MTG2: variants seen among roughly 807,000 people sequenced by gnomAD.
The protein encoded by MTG2 is mitochondrial ribosome associated GTPase 2.
MTG2 carries 23 observed loss-of-function variants against 28.6 expected under a neutral mutation model. That is an observed-to-expected ratio of 0.80 (90% CI 0.58 to 1.14). The LOEUF (loss-of-function observed/expected upper bound fraction) is 1.14, where lower values mean the gene tolerates loss of function less well. MTG2 is among the 50% of genes most tolerant of loss of function. MTG2 has a pLI of 0.00. For synonymous variants in MTG2, 260 were observed against 251.8 expected, an observed-to-expected ratio of 1.03 and a Z score of -0.31; for missense variants, 539 against 552.0, an observed-to-expected ratio of 0.98 and a Z score of 0.24.
chr20:62,195,800 A>G lies in MTG2; in HGVS notation c.205-2A>G. ...GACGTGGGATATTTGTGTTCTCTGT[A>G]GAAAAGGTACTTTGTGGACTATCGG... On this transcript the variant is annotated splice_acceptor_variant, in intron 2 of 6. Coordinates refer to ENST00000370823, the MANE Select transcript of MTG2 (RefSeq NM_015666.4). LOFTEE classifies it high-confidence loss of function. 2 of 1,614,190 alleles carry G rather than the reference A, an allele frequency of 1.2e-6. No homozygotes were observed. The highest frequency in any genetic ancestry group is 1.7e-6 in the Non-Finnish European group (2 of 1,180,026).
chr20:62,193,690 G>C, intron 2 of MTG2, 66 bp downstream of exon 2: 1 of 1,449,244 alleles, frequency 6.9e-7, no homozygotes, highest in Non-Finnish European at 9.4e-7. Context: ...TGTGGTTTCG[G>C]GTCCTCCTCT....
At position 62,201,388 on chromosome 20, in the gene MTG2, A is replaced by G. The variant is rs2151511; in HGVS notation, c.*311A>G. The G allele has an allele frequency of 0.58, 219,056 of 376,398 alleles. 66,444 individuals are homozygous for G. The highest frequency in any genetic ancestry group is 0.9 in the East Asian group (17,698 of 19,636). The allele number at this position is 376,398 out of a possible 1,614,324, so 23.3% of individuals were successfully genotyped here. On this transcript the variant is annotated 3_prime_UTR_variant, in exon 7 of 7. Coordinates refer to ENST00000370823, the MANE Select transcript of MTG2 (RefSeq NM_015666.4). ...AACGGGGTGGCCCTGCCGCTGACTC[A>G]GGTCTCCGCCATGCACGCGTGGACT...
rs372446307 is a variant in MTG2, at chr20:62,195,850, G to A, written c.253G>A (p.Gly85Arg). 2.6e-5 allele frequency: 42 copies of A among 1,614,080 alleles called. No individual in the cohort carries two copies. The highest frequency in any genetic ancestry group is 3.2e-5 in the Non-Finnish European group (38 of 1,180,046). ...YRRVLVCGGN[G>R]GAGASCFHSE... Reference sequence around the variant, plus strand: ...GAGAGTGCTTGTCTGTGGAGGAAACGGAGGCGCTGGGGCAAGCTGCTTCCA... The same window carrying A: ...GAGAGTGCTTGTCTGTGGAGGAAACAGAGGCGCTGGGGCAAGCTGCTTCCA... Residue 85 changes from glycine to arginine, a missense_variant, in exon 3 of 7, where the codon GGA (glycine) becomes AGA (arginine). Gly to Arg is a moderately radical substitution (Grantham distance 125, BLOSUM62 -2). Transcript: ENST00000370823.
chr20:62,202,528 G>A lies in MTG2; in HGVS notation c.*1451G>A, dbSNP rs918742893. On this transcript the variant is annotated 3_prime_UTR_variant, in exon 7 of 7. Transcript: ENST00000370823. Reference sequence around the variant, plus strand: ...AGCACTTTGGGAGGCCGAGGCTGGTGGATCACAAGGTCAGGAGATTGAGAC... The same window carrying A: ...AGCACTTTGGGAGGCCGAGGCTGGTAGATCACAAGGTCAGGAGATTGAGAC... 3 of 152,466 alleles carry A rather than the reference G, an allele frequency of 2.0e-5. No homozygotes were observed. Among genetic ancestry groups the A allele is most frequent in the African/African-American group, 7.2e-5 (3 of 41,406 alleles). The allele number at this position is 152,466 out of a possible 1,614,324, so 9.4% of individuals were successfully genotyped here. A position where few individuals can be genotyped will look rare whatever the true frequency, so the allele number is the denominator to read the frequency against.
rs1283559087 is a variant in MTG2, at chr20:62,195,828, A to G, written c.231A>G (p.Arg77=). 1 of 1,614,158 alleles carries G rather than the reference A, an allele frequency of 6.2e-7. No individual in the cohort carries two copies. Among genetic ancestry groups the G allele is most frequent in the Non-Finnish European group, 8.5e-7 (1 of 1,180,028 alleles). Residue 77 remains arginine (R), a synonymous_variant, in exon 3 of 7, where the codon AGA becomes AGG. Transcript: ENST00000370823. Reference sequence around the variant, plus strand: ...AAAGGTACTTTGTGGACTATCGGAGAGTGCTTGTCTGTGGAGGAAACGGAG... The same window carrying G: ...AAAGGTACTTTGTGGACTATCGGAGGGTGCTTGTCTGTGGAGGAAACGGAG... The part of the protein sequence containing the change: ...KLKRYFVDYR[R]VLVCGGNGGA...
In MTG2 at chr20:62,202,974, A is replaced by G. The variant is rs2058199718; in HGVS notation, c.*1897A>G. 1 of 152,268 alleles carries G rather than the reference A, an allele frequency of 6.6e-6. No individual in the cohort carries two copies. The allele number at this position is 152,268 out of a possible 1,614,324, so 9.4% of individuals were successfully genotyped here. ...ATCTCACATCAAATCTGCAGCTAGA[A>G]CATGACAGTCCTTTTACCCGAAGCT... On this transcript the variant is annotated 3_prime_UTR_variant, in exon 7 of 7. Coordinates refer to ENST00000370823, the MANE Select transcript of MTG2 (RefSeq NM_015666.4).
At chr20:62,183,093 T>G (rs1425715824) in intron 1 of MTG2, 36 bp downstream of exon 1, 5 of 142,530 alleles carry the variant, frequency 3.5e-5, no homozygotes, top group Non-Finnish European at 7.4e-5. Flanking sequence ...AGCGTGGGCC[T>G]GGGGGGTGGT....
intron 6 of MTG2, among the ~76,000 whole-genome samples, chr20:62,199,618 C>T (rs1175769643): frequency 6.9e-6 from 1 of 145,290 alleles, no homozygotes; most frequent in Non-Finnish European, 1.5e-5. Flanking sequence ...TGCACTCCAG[C>T]CTGGGCGACA....
At chr20:62,191,585 A>G in intron 1 of MTG2, among the ~76,000 whole-genome samples, 1 of 152,192 alleles carries the variant, frequency 6.6e-6, no homozygotes, top group African/African-American at 2.4e-5. Flanking sequence ...CAGAGGAGTG[A>G]GGCTGGGGAG....
chr20:62,195,918 C>T lies in MTG2; in HGVS notation c.321C>T (p.Asp107=), dbSNP rs372993825. 81 of 1,613,996 alleles carry T rather than the reference C, an allele frequency of 5.0e-5. No homozygotes were observed. The highest frequency in any genetic ancestry group is 6.5e-5 in the Non-Finnish European group (77 of 1,180,034). ...RKEFGGPDGG[D]GGNGGHVILR... is the part of the protein sequence containing the mutation. Reference sequence around the variant, plus strand: ...AGTTTGGAGGCCCTGATGGAGGGGACGGAGGCAACGGTGGACACGTCATTC... The same window carrying T: ...AGTTTGGAGGCCCTGATGGAGGGGATGGAGGCAACGGTGGACACGTCATTC... The change falls in exon 3 of 7, where the codon GAC becomes GAT. Residue 107 remains aspartate, a synonymous_variant. Transcript: ENST00000370823.
chr20:62,184,054 T>C (rs1015380583), intron 1 of MTG2, among the ~76,000 whole-genome samples: 4 of 152,160 alleles, frequency 2.6e-5, no homozygotes, highest in Admixed American at 1.3e-4. Flanking sequence ...GCATAAAAAA[T>C]GTAAAGTCAA....
At chr20:62,193,213 G>A (rs2057994391) in intron 1 of MTG2, among the ~76,000 whole-genome samples, 1 of 152,164 alleles carries the variant, frequency 6.6e-6, no homozygotes, top group South Asian at 2.1e-4. Flanking sequence ...CTGCTCCCAA[G>A]TCACAGATAG....
intron 4 of MTG2, chr20:62,198,222 A>G (rs1334542483): frequency 1.9e-6 from 1 of 538,360 alleles, no homozygotes; most frequent in African/African-American, 1.9e-5. Flanking sequence ...TCTTTTAAAA[A>G]GAGGGAGCCC....
chr20:62,198,749 TC>T lies in MTG2; in HGVS notation c.586del (p.Leu196TrpfsTer9), dbSNP rs1012016184. 10 of 1,614,010 alleles carry T rather than the reference TC, an allele frequency of 6.2e-6. No individual in the cohort carries two copies. Among genetic ancestry groups the T allele is most frequent in the Middle Eastern group, 1.6e-4 (1 of 6,084 alleles). Reference sequence around the variant, plus strand: ...GCAGGAGGGAAAGGCAACCGCTTCTTCCTGGCCAACAACAACCGTGCCCCTG... The same window carrying T: ...GCAGGAGGGAAAGGCAACCGCTTCTTCTGGCCAACAACAACCGTGCCCCTG... ...GGAGGKGNRF[F>X]LANNNRAPVT... On this transcript the variant is annotated frameshift_variant, in exon 5 of 7. Transcript: ENST00000370823. LOFTEE classifies it high-confidence loss of function.
intron 1 of MTG2, among the ~76,000 whole-genome samples, chr20:62,190,654 G>A (rs1367840263): frequency 1.3e-5 from 2 of 152,230 alleles, no homozygotes; most frequent in African/African-American, 4.8e-5. Flanking sequence ...AAAGCAGGGT[G>A]GATCCTGGCC....
intron 1 of MTG2, among the ~76,000 whole-genome samples, chr20:62,187,433 C>T (rs1228606402): frequency 6.6e-6 from 1 of 152,140 alleles, no homozygotes. Context: ...TGGAATGTTA[C>T]ATGGAATTTA....
Position 62,201,338 on chromosome 20 carries a change from C to T in MTG2, c.*261C>T. On this transcript the variant is annotated 3_prime_UTR_variant, in exon 7 of 7. Coordinates refer to ENST00000370823, the MANE Select transcript of MTG2 (RefSeq NM_015666.4). ...TTGCTCATTTGTGCTGATTAACACC[C>T]CTAATAAGGGGTTGGGGTGCCCATA... 3.8e-6 allele frequency: 2 copies of T among 523,054 alleles called. No individual in the cohort carries two copies. The highest frequency in any genetic ancestry group is 2.5e-5 in the South Asian group (1 of 40,210). 32.4% of individuals were successfully genotyped at this position (523,054 alleles called of 1,614,324 possible).
intron 1 of MTG2, among the ~76,000 whole-genome samples, chr20:62,192,351 A>G (rs2057976825): frequency 6.6e-6 from 1 of 152,202 alleles, no homozygotes; most frequent in South Asian, 2.1e-4. Context: ...ACAGGCAGGC[A>G]GCTGGGTGAG....
chr20:62,197,067 T>C (rs1307284755), intron 3 of MTG2: 3 of 151,204 alleles, frequency 2.0e-5, no homozygotes, highest in East Asian at 3.9e-4. Context: ...AAAAAAAAAT[T>C]ATATGGATAT....
Sources: gnomAD v4.1 joint callset for allele counts (sites outside exome capture counted in the v4.1 genomes callset) on GRCh38, gnomAD v4.1.1 for gene constraint, MANE v1.5 for transcripts, NCBI Gene and HGNC (gene_info 2026-07-23, HGNC 2026-07-21) for gene names.